The following TVP23A variants were observed in gnomAD, a reference collection of about 807,000 sequenced individuals.
TVP23A encodes Golgi apparatus membrane protein TVP23 homolog A.
In TVP23A, 21 loss-of-function variants were observed where a neutral mutation model predicts 31.7. That is an observed-to-expected ratio of 0.66 (90% CI 0.47 to 0.95). The LOEUF is 0.95. Ranked by LOEUF, TVP23A falls within the 40% of genes least tolerant of loss-of-function variation. The pLI, the probability that TVP23A is intolerant of heterozygous loss-of-function variation, is 0.00. For missense variants in TVP23A, 279 were observed against 255.6 expected (o/e 1.09, Z -0.62); for synonymous variants, 104 against 96.0 (o/e 1.08, Z -0.49).
rs1188692963 is a variant in TVP23A, at chr16:10,818,172, T to C, written c.20A>G (p.Asp7Gly). 2 of 1,605,652 alleles carry C rather than the reference T, an allele frequency of 1.2e-6. No individual in the cohort carries two copies. Among genetic ancestry groups the C allele is most frequent in the Non-Finnish European group, 8.5e-7 (1 of 1,176,282 alleles). The change falls in exon 2 of 8, where the codon GAC becomes GGC. Residue 7 changes from aspartate (D) to glycine (G), a missense_variant. Asp to Gly is a moderately conservative substitution (Grantham distance 94, BLOSUM62 -1). Transcript: ENST00000299866. This position sits in a 1 kb window ranked among gnomAD's most constrained non-coding sequence, Gnocchi z 4.7. ...GTCCAGGGACACATCCTCGGTATCG[T>C]CCACCAGGGCCTGGGAGGAGAGCAA... Reference protein sequence around the residue: MKQALVDDTEDVSLDFG... With the variant: MKQALVGDTEDVSLDFG...
Position 10,790,991 on chromosome 16 carries a change from T to C in TVP23A, c.90-15895A>G, listed in dbSNP as rs187316974. On this transcript the variant is annotated intron_variant, in intron 2 of 7. Coordinates refer to ENST00000299866, the MANE Select transcript of TVP23A (RefSeq NM_001079512.4). ...CCCATCATGGCCTGAACTAGTTCTT[T>C]AGGTTAACTTTGGAATGCCCTTGGC... Among the ~76,000 whole-genome samples the C allele has an allele frequency of 3.0e-4, 46 of 152,242 alleles. No individual in the cohort carries two copies. In the East Asian group the frequency reaches 8.7e-3, roughly 29 times the overall value.
chr16:10,809,956 T>C (rs533868321), intron 2 of TVP23A, among the ~76,000 whole-genome samples: 1 of 152,200 alleles, frequency 6.6e-6, no homozygotes, highest in South Asian at 2.1e-4. Flanking sequence ...ACATTACTCA[T>C]AACAACACAA....
At chr16:10,761,354 A>C in exon 9 of TVP23A, 1 of 1,612,932 alleles carries the variant, frequency 6.2e-7, no homozygotes. Flanking sequence ...TGGTCTTTTC[A>C]CCTTCGTAGG....
At chr16:10,780,121 G>GAATA (rs1297835602) in intron 2 of TVP23A, among the ~76,000 whole-genome samples, 8 of 150,758 alleles carry the variant, frequency 5.3e-5, no homozygotes, top group African/African-American at 1.5e-4. Flanking sequence ...ATGAATGAAT[G>GAATA]AATGAATAAA....
Position 10,773,388 on chromosome 16 carries a change from C to T in TVP23A, c.378G>A (p.Leu126=), listed in dbSNP as rs2031768829. 1.2e-6 allele frequency: 2 copies of T among 1,611,430 alleles called. No homozygotes were observed. Among genetic ancestry groups the T allele is most frequent in the Non-Finnish European group, 1.7e-6 (2 of 1,179,360 alleles). The part of the protein sequence containing the change: ...ATEAEARIFW[L]GLIICPMIWI... The stretch of plus-strand genomic sequence containing the variant: ...ATATCATGGGGCAGATTATGAGGCC[C>T]AGCCAGAAGATTCGTGCTTCAGCTT... Residue 126 remains leucine, a synonymous_variant, in exon 5 of 8, where the codon CTG becomes CTA. Transcript: ENST00000299866.
intron 2 of TVP23A, among the ~76,000 whole-genome samples, chr16:10,775,744 CTTT>C (rs1004091841): frequency 3.2e-5 from 3 of 94,558 alleles, no homozygotes; most frequent in Non-Finnish European, 4.1e-5. Flanking sequence ...AATTGCTTTT[CTTT>C]TTTTTTTTTT....
downstream of TVP23A, among the ~76,000 whole-genome samples, chr16:10,758,787 G>A (rs544439806): frequency 1.1e-4 from 16 of 152,238 alleles, 1 homozygote; most frequent in South Asian, 3.1e-3. Context: ...TAGGGATTTC[G>A]GGATAAGCCA....
downstream of TVP23A, chr16:10,757,971 G>T (rs556528701): frequency 1.9e-6 from 3 of 1,613,952 alleles, no homozygotes; most frequent in Admixed American, 1.7e-5. This position sits in a 1 kb window ranked among gnomAD's most constrained non-coding sequence, Gnocchi z 4.1. Flanking sequence ...CCTCTCGGTC[G>T]TCCGGTACCT....
intron 6 of TVP23A, among the ~76,000 whole-genome samples, chr16:10,771,129 A>G (rs1221470847): frequency 6.6e-6 from 1 of 152,218 alleles, no homozygotes; most frequent in East Asian, 1.9e-4. Flanking sequence ...AGATGAAAGC[A>G]GTTCTGGAGC....
intron 4 of TVP23A, 80 bp downstream of exon 4, chr16:10,773,959 C>G: frequency 8.5e-7 from 1 of 1,176,960 alleles, no homozygotes. Context: ...CAGATATGCA[C>G]AAAACTCCAA....
chr16:10,761,726 A>G (rs372881425), downstream of TVP23A: 2 of 1,553,556 alleles, frequency 1.3e-6, no homozygotes, highest in Non-Finnish European at 1.8e-6. Context: ...CAAAAAAATT[A>G]TGTTTCCTCC....
chr16:10,790,532 G>A (rs183292146), intron 2 of TVP23A, among the ~76,000 whole-genome samples: 11 of 152,180 alleles, frequency 7.2e-5, no homozygotes, highest in Admixed American at 3.9e-4. Context: ...TGATCCGCCC[G>A]CCTCGGGCTC....
chr16:10,758,031 A>G (rs376307022), downstream of TVP23A: 11 of 1,610,990 alleles, frequency 6.8e-6, no homozygotes, highest in African/African-American at 1.3e-5. Flanking sequence ...TCCCCAGGTG[A>G]GCGAGCTGCC....
chr16:10,774,345 A>G (rs184234710), intron 3 of TVP23A, among the ~76,000 whole-genome samples: 35 of 152,232 alleles, frequency 2.3e-4, no homozygotes, highest in African/African-American at 7.0e-4. Context: ...AACATATATA[A>G]TTTATATGTT....
chr16:10,818,034 G>T lies in TVP23A; in HGVS notation c.89+69C>A. The T allele has an allele frequency of 7.6e-7, 1 of 1,323,990 alleles. No individual in the cohort carries two copies. Among genetic ancestry groups the T allele is most frequent in the Non-Finnish European group, 1.1e-6 (1 of 937,564 alleles). 82.0% of individuals were successfully genotyped at this position (1,323,990 alleles called of 1,614,324 possible). On this transcript the variant is annotated intron_variant, in intron 2 of 7. Coordinates refer to ENST00000299866, the MANE Select transcript of TVP23A (RefSeq NM_001079512.4). This position sits in a 1 kb window ranked among gnomAD's most constrained non-coding sequence, Gnocchi z 4.7. ...AGTAGGTGCTCAATATATTTTGAAT[G>T]AATGAGTGAGTAAATGAATGAATTT... is the stretch of plus-strand genomic sequence containing the variant.
intron 5 of TVP23A, among the ~76,000 whole-genome samples, chr16:10,772,548 A>G (rs749568552): frequency 2.4e-4 from 36 of 152,156 alleles, no homozygotes; most frequent in Non-Finnish European, 4.9e-4. Flanking sequence ...TTTGGTATCT[A>G]TAGTACAGAC....
At chr16:10,790,275 TA>T (rs2033024929) in intron 2 of TVP23A, among the ~76,000 whole-genome samples, 4 of 140,986 alleles carry the variant, frequency 2.8e-5, no homozygotes, top group African/African-American at 1.1e-4. Flanking sequence ...TGTCTTGGGG[TA>T]AAATTTTTTT....
At chr16:10,758,966 C>T (rs1900759113), downstream of TVP23A, among the ~76,000 whole-genome samples, 1 of 152,184 alleles carries the variant, frequency 6.6e-6, no homozygotes, top group African/African-American at 2.4e-5. Context: ...ATGGTGCTAT[C>T]CATCTCAGGG....
intron 2 of TVP23A, among the ~76,000 whole-genome samples, chr16:10,810,566 A>G (rs2034151192): frequency 6.6e-6 from 1 of 151,634 alleles, no homozygotes; most frequent in African/African-American, 2.4e-5. Context: ...AAAAAAGAAA[A>G]GAAAAGAAAA....
Sources: gnomAD v4.1 joint callset for allele counts (sites outside exome capture counted in the v4.1 genomes callset) on GRCh38, gnomAD v4.1.1 for gene constraint, Gnocchi (gnomAD v3.1) non-coding constraint, MANE v1.5 for transcripts, NCBI Gene and HGNC (gene_info 2026-07-23, HGNC 2026-07-21) for gene names.